Variants in ADGRE3 observed in about 807,000 individuals in gnomAD.
ADGRE3 encodes EGF-like module receptor 3.
ADGRE3 carries 88 observed loss-of-function variants against 80.1 expected under a neutral mutation model. The ratio of observed to expected loss-of-function variants is 1.10; its 90% CI spans 0.93 to 1.31. The LOEUF is 1.31. ADGRE3 is among the 40% of genes most tolerant of loss of function. The pLI, the probability that ADGRE3 is intolerant of heterozygous loss-of-function variation, is 0.00. For missense variants in ADGRE3, 715 were observed against 776.5 expected (o/e 0.92, Z 0.94); for synonymous variants, 281 against 294.8 (o/e 0.95, Z 0.48).
At chr19:14,609,942 C>A in the ADGRE3 span, 1 of 697,260 alleles carries the variant, frequency 1.4e-6, no homozygotes, top group Non-Finnish European at 2.5e-6. Context: ...AGGCTCCACA[C>A]ACGGCCTAAT....
rs1228539522 is a variant in ADGRE3 at position 14,663,525 on chromosome 19, C to T, written c.92G>A (p.Cys31Tyr). ...TQKTKTSCAKCPPNASCVNNT... is the reference protein window; with the variant it reads ...TQKTKTSCAKYPPNASCVNNT... ...ATTGACACAGGAAGCATTTGGGGGG[C>T]ACTTAGCACAGGAAGCTGCAGGGAG... Residue 31 changes from cysteine to tyrosine, a missense_variant, in exon 3 of 16, where the codon TGC becomes TAC. Coordinates refer to ENST00000253673, the MANE Select transcript of ADGRE3 (RefSeq NM_032571.5). 6.2e-7 allele frequency: 1 copy of T among 1,612,928 alleles called. No homozygotes were observed.
At position 14,664,331 on chromosome 19, in the gene ADGRE3, G is replaced by C. The variant is rs997150543; in HGVS notation, c.77-791C>G. Among the ~76,000 whole-genome samples the C allele has an allele frequency of 6.6e-5, 10 of 152,168 alleles. No homozygotes were observed. In the East Asian group the frequency reaches 1.5e-3, roughly 23 times the overall value. ...ACATGCCTGTAATCCCAGCTACTCA[G>C]GGGGCTGAGGCAGGAGAATGGCTTG... On this transcript the variant is annotated intron_variant, in intron 2 of 15. Coordinates refer to ENST00000253673, the MANE Select transcript of ADGRE3 (RefSeq NM_032571.5).
At chr19:14,670,861 A>G (rs948317604) in intron 1 of ADGRE3, among the ~76,000 whole-genome samples, 3 of 152,224 alleles carry the variant, frequency 2.0e-5, no homozygotes, top group African/African-American at 7.2e-5. Flanking sequence ...ATTACACCAC[A>G]TAGCCTCTCC....
At position 14,620,564 on chromosome 19, in the gene ADGRE3, ATATATTTTTTTTTTTTTTT is replaced by A. The variant is rs1970568379; in HGVS notation, c.1921-1112_1921-1094del. On this transcript the variant is annotated intron_variant, in intron 15 of 15. Transcript: ENST00000253673. ...ATATATATATTATATATATATATAT[ATATATTTTTTTTTTTTTTT>A]TTTTTTTTTTTTTTGAGACAGGGTT... Among the ~76,000 whole-genome samples, 122 of 34,342 alleles carry A rather than the reference ATATATTTTTTTTTTTTTTT, an allele frequency of 3.6e-3. 8 individuals carry two copies. The highest frequency in any genetic ancestry group is 2.8e-3 in the Non-Finnish European group (56 of 19,952). The allele number at this position is 34,342 out of a possible 152,430, so 22.5% of individuals were successfully genotyped here.
the ADGRE3 span, among the ~76,000 whole-genome samples, chr19:14,607,417 A>G: frequency 3.0e-4 from 45 of 151,300 alleles, no homozygotes; most frequent in South Asian, 3.1e-3. Flanking sequence ...GTTAGCCAGG[A>G]TGGTCTTGAT....
the ADGRE3 span, among the ~76,000 whole-genome samples, chr19:14,613,622 C>T: frequency 1.3e-5 from 2 of 152,002 alleles, no homozygotes; most frequent in African/African-American, 2.4e-5. Context: ...TGGGAGAGGT[C>T]GGAGCTGATT....
intron 12 of ADGRE3, 112 bp from the exon 13 acceptor site, chr19:14,633,124 A>G: frequency 7.9e-7 from 1 of 1,261,702 alleles, no homozygotes; most frequent in Non-Finnish European, 1.1e-6. Flanking sequence ...AATTGGTAGC[A>G]GGTGGAAAAT....
the ADGRE3 span, among the ~76,000 whole-genome samples, chr19:14,601,104 T>C: frequency 1.2e-4 from 18 of 151,708 alleles, no homozygotes; most frequent in African/African-American, 2.2e-4. Context: ...GGTTTCTCCA[T>C]GTTGGCCAGG....
intron 1 of ADGRE3, among the ~76,000 whole-genome samples, chr19:14,671,383 G>A (rs556968918): frequency 1.4e-4 from 22 of 151,866 alleles, no homozygotes; most frequent in Admixed American, 5.9e-4. Context: ...CTTGGCTCAC[G>A]GACCCTTCCT....
intron 7 of ADGRE3, among the ~76,000 whole-genome samples, chr19:14,649,332 CTG>C (rs1971514310): frequency 6.6e-6 from 1 of 150,980 alleles, no homozygotes; most frequent in African/African-American, 2.4e-5. Flanking sequence ...TGATCTCCCT[CTG>C]CCCATCTCTC....
chr19:14,611,014 T>C, the ADGRE3 span: 38 of 146,790 alleles, frequency 2.6e-4, no homozygotes, highest in East Asian at 5.3e-3. Context: ...TTTTTTTTTT[T>C]CCAAACAAAA....
chr19:14,647,298 T>C lies in ADGRE3; in HGVS notation c.765A>G (p.Glu255=). 2 of 1,613,078 alleles carry C rather than the reference T, an allele frequency of 1.2e-6. No homozygotes were observed. The highest frequency in any genetic ancestry group is 1.7e-6 in the Non-Finnish European group (2 of 1,179,140). Residue 255 remains glutamate, a synonymous_variant, in exon 8 of 16, where the codon GAA becomes GAG. Transcript: ENST00000253673. ...ACACTTGATCTTTCTTATCCATCTC[T>C]TCAAAAAAAGTTGCATTTATGATGT... ...LGNIINATFF[E]EMDKKDQVYL...
chr19:14,609,104 A>ATTGG, the ADGRE3 span, among the ~76,000 whole-genome samples: 1 of 152,096 alleles, frequency 6.6e-6, no homozygotes, highest in African/African-American at 2.4e-5. Context: ...CTGGCGGAAC[A>ATTGG]TTGGCTGCTA....
chr19:14,657,845 C>A (rs897245476), intron 5 of ADGRE3, among the ~76,000 whole-genome samples: 1 of 151,856 alleles, frequency 6.6e-6, no homozygotes, highest in Non-Finnish European at 1.5e-5. Flanking sequence ...CTCACCGCAA[C>A]CTCCGCCTCC....
At chr19:14,641,721 G>A in intron 9 of ADGRE3, 105 bp from the exon 10 acceptor site, 1 of 1,375,968 alleles carries the variant, frequency 7.3e-7, no homozygotes, top group Admixed American at 2.0e-5. Flanking sequence ...CCCAGTGGTA[G>A]TGTGGGACCG....
chr19:14,607,706 AG>A, the ADGRE3 span, among the ~76,000 whole-genome samples: 1 of 151,038 alleles, frequency 6.6e-6, no homozygotes, highest in African/African-American at 2.4e-5. Context: ...TCTCCCAAGT[AG>A]CTGGGATTAC....
intron 7 of ADGRE3, among the ~76,000 whole-genome samples, chr19:14,650,688 C>T (rs1971580452): frequency 6.9e-6 from 1 of 145,392 alleles, no homozygotes; most frequent in Non-Finnish European, 1.5e-5. Context: ...TCTCTCCCCT[C>T]TTCCCACACC....
intron 2 of ADGRE3, among the ~76,000 whole-genome samples, chr19:14,666,737 A>C (rs1053130334): frequency 6.6e-6 from 1 of 152,132 alleles, no homozygotes; most frequent in Non-Finnish European, 1.5e-5. Flanking sequence ...ATAGTCACCC[A>C]CTAAGTATGC....
chr19:14,665,792 C>A (rs530462446), intron 2 of ADGRE3, among the ~76,000 whole-genome samples: 6 of 150,166 alleles, frequency 4.0e-5, no homozygotes, highest in Admixed American at 4.0e-4. Context: ...CATGCCTAGC[C>A]TTTGGAATTT....
Sources: gnomAD v4.1 joint callset for allele counts (sites outside exome capture counted in the v4.1 genomes callset) on GRCh38, gnomAD v4.1.1 for gene constraint, MANE v1.5 for transcripts, NCBI Gene and HGNC (gene_info 2026-07-23, HGNC 2026-07-21) for gene names.